The following NAV3 variants were observed in gnomAD, a reference collection of about 807,000 sequenced individuals.
NAV3 encodes the protein neuron navigator 3.
A neutral mutation model predicts 244.7 loss-of-function variants in NAV3; 87 were observed. The ratio of observed to expected loss-of-function variants is 0.36; its 90% confidence interval spans 0.30 to 0.42. The LOEUF is 0.42. NAV3 is among the 20% of genes least tolerant of loss of function. NAV3 has a pLI of 1.00. For synonymous variants in NAV3, 1,126 were observed against 1,042.2 expected, an observed-to-expected ratio of 1.08 and a Z score of -1.55; for missense variants, 2,663 against 2,893.3, an observed-to-expected ratio of 0.92 and a Z score of 1.83.
chr12:78,049,355 T>C (rs988262452), intron 9 of NAV3, among the ~76,000 whole-genome samples: 4 of 152,114 alleles, frequency 2.6e-5, no homozygotes, highest in African/African-American at 9.7e-5. Flanking sequence ...CCCAATGGAA[T>C]CTCCTGGTGT....
rs140417887 is a variant in NAV3 at position 77,583,896 on chromosome 12, A to C, written c.72+11630A>C. Among the ~76,000 whole-genome samples, 272 of 152,058 alleles carry C rather than the reference A, an allele frequency of 1.8e-3. 2 individuals carry two copies. Among genetic ancestry groups the C allele is most frequent in the African/African-American group, 6.2e-3 (257 of 41,440 alleles). ...TCTCTTCCAGACATATTGACAACCC[A>C]TCTCTAAGTTCCTTGAACAATGCAA... On this transcript the variant is annotated intron_variant, in intron 2 of 8. Transcript: ENST00000550042.
At chr12:78,063,355 G>A (rs1423129249) in intron 12 of NAV3, among the ~76,000 whole-genome samples, 4 of 152,112 alleles carry the variant, frequency 2.6e-5, no homozygotes, top group Non-Finnish European at 5.9e-5. Flanking sequence ...AAATATGTGG[G>A]TTTTATACAT....
intron 8 of NAV3, among the ~76,000 whole-genome samples, chr12:78,020,043 A>G (rs1410398665): frequency 6.6e-6 from 1 of 152,194 alleles, no homozygotes; most frequent in Non-Finnish European, 1.5e-5. Flanking sequence ...AATATGATTG[A>G]GATCATTTAG....
chr12:77,708,580 T>C (rs1346215660), intron 2 of NAV3, among the ~76,000 whole-genome samples: 1 of 152,210 alleles, frequency 6.6e-6, no homozygotes, highest in Non-Finnish European at 1.5e-5. Context: ...AGTAGTTTTT[T>C]TTCCAATTCT....
intron 12 of NAV3, among the ~76,000 whole-genome samples, chr12:78,097,081 G>T (rs1954291374): frequency 6.6e-6 from 1 of 152,192 alleles, no homozygotes; most frequent in Non-Finnish European, 1.5e-5. Flanking sequence ...AGACCAGGGT[G>T]TGGGAAGTAA....
chr12:77,680,082 A>G (rs1874383425), intron 2 of NAV3, among the ~76,000 whole-genome samples: 1 of 152,182 alleles, frequency 6.6e-6, no homozygotes, highest in Non-Finnish European at 1.5e-5. Flanking sequence ...GCATGGTGTT[A>G]TACTGAGGGA....
At chr12:77,784,309 A>G (rs1592680346) in intron 2 of NAV3, among the ~76,000 whole-genome samples, 2 of 152,190 alleles carry the variant, frequency 1.3e-5, no homozygotes, top group Non-Finnish European at 2.9e-5. Flanking sequence ...CAGATGGATT[A>G]GAACACTGGA....
At chr12:77,851,020 C>T (rs1315368767) in intron 1 of NAV3, among the ~76,000 whole-genome samples, 3 of 152,164 alleles carry the variant, frequency 2.0e-5, no homozygotes, top group Non-Finnish European at 2.9e-5. Context: ...GATTCATAGA[C>T]ATCGGATACG....
At chr12:77,620,510 T>C (rs1871326859) in intron 2 of NAV3, among the ~76,000 whole-genome samples, 1 of 152,064 alleles carries the variant, frequency 6.6e-6, no homozygotes, top group Admixed American at 6.6e-5. Context: ...TTGCCTAGGC[T>C]GGAGTGCAGT....
At chr12:78,115,370 A>G (rs183119311) in intron 12 of NAV3, among the ~76,000 whole-genome samples, 3 of 152,190 alleles carry the variant, frequency 2.0e-5, no homozygotes, top group African/African-American at 7.2e-5. Flanking sequence ...TAAAGACTAT[A>G]TATCACAATA....
chr12:77,677,740 G>C (rs1024093904), intron 2 of NAV3, among the ~76,000 whole-genome samples: 1 of 152,202 alleles, frequency 6.6e-6, no homozygotes, highest in Non-Finnish European at 1.5e-5. Flanking sequence ...TGCTGCTGCT[G>C]TTACTACTAC....
chr12:77,922,955 T>C (rs919987595), intron 1 of NAV3, among the ~76,000 whole-genome samples: 3 of 152,102 alleles, frequency 2.0e-5, no homozygotes, highest in Non-Finnish European at 4.4e-5. Flanking sequence ...TTTTTATACG[T>C]ACATCTTAAG....
At chr12:77,963,395 T>A (rs1892203467) in intron 3 of NAV3, among the ~76,000 whole-genome samples, 1 of 152,130 alleles carries the variant, frequency 6.6e-6, no homozygotes, top group African/African-American at 2.4e-5. Context: ...TAACAAGATA[T>A]CTTAAAACCA....
intron 3 of NAV3, among the ~76,000 whole-genome samples, chr12:77,942,152 G>T (rs1292234793): frequency 6.6e-6 from 1 of 152,138 alleles, no homozygotes; most frequent in Non-Finnish European, 1.5e-5. Flanking sequence ...GCGGGTGGAT[G>T]ACCTGAGGTC....
chr12:78,208,246 A>G (rs907280401), intron 39 of NAV3, among the ~76,000 whole-genome samples: 2 of 152,100 alleles, frequency 1.3e-5, no homozygotes, highest in African/African-American at 4.8e-5. Context: ...CTCGCACATG[A>G]ACTAATCCAT....
intron 38 of NAV3, among the ~76,000 whole-genome samples, chr12:78,203,713 T>A (rs1273092597): frequency 6.6e-6 from 1 of 152,136 alleles, no homozygotes; most frequent in African/African-American, 2.4e-5. Flanking sequence ...AGGCACCTAC[T>A]AACCAGGATT....
chr12:78,046,021 G>A (rs1315373736), intron 9 of NAV3, among the ~76,000 whole-genome samples: 1 of 152,226 alleles, frequency 6.6e-6, no homozygotes, highest in Admixed American at 6.5e-5. Flanking sequence ...TATTTGCATA[G>A]TAGTGTTTAT....
At position 77,640,677 on chromosome 12, in the gene NAV3, G is replaced by C. The variant is rs551601704; in HGVS notation, c.72+68411G>C. Among the ~76,000 whole-genome samples the C allele has an allele frequency of 2.6e-5, 4 of 152,252 alleles. No homozygotes were observed. In the South Asian group the frequency reaches 8.3e-4, roughly 32 times the overall value. ...ATACTGTATACTGAAAATTTGCTGA[G>C]AAAGTAGATTTTATGTGCTCTTATC... On this transcript the variant is annotated intron_variant, in intron 2 of 8. Coordinates refer to the NAV3 transcript ENST00000550042.
In NAV3 at chr12:78,140,588, C is replaced by T. The variant is rs28493672; in HGVS notation, c.4683+254C>T. 9.0e-3 allele frequency among the ~76,000 whole-genome samples: 1,370 copies of T among 152,172 alleles called. 23 individuals carry two copies. Among genetic ancestry groups the T allele is most frequent in the African/African-American group, 0.031 (1,300 of 41,512 alleles). On this transcript the variant is annotated intron_variant, in intron 20 of 39. Coordinates refer to ENST00000397909, the MANE Select transcript of NAV3 (RefSeq NM_001024383.2). Reference sequence around the variant, plus strand: ...ATAATCAATGAGTGGATGTAGAATTCGATTTCATAAAACCTACTGAGGTAT... The same window carrying T: ...ATAATCAATGAGTGGATGTAGAATTTGATTTCATAAAACCTACTGAGGTAT...
Sources: allele counts gnomAD v4.1 joint callset (sites outside exome capture counted in the v4.1 genomes callset), GRCh38; gene constraint gnomAD v4.1.1; transcripts MANE v1.5; gene names NCBI Gene and HGNC (gene_info 2026-07-23, HGNC 2026-07-21).